The following MAP4K4 variants were observed in gnomAD, a reference collection of about 807,000 sequenced individuals.
MAP4K4 encodes the protein HPK/GCK-like kinase HGK.
Under a neutral mutation model 189.6 loss-of-function variants are expected in MAP4K4, and 38 were observed. The observed-to-expected ratio is 0.20, with a 90% CI of 0.15 to 0.26. MAP4K4 has a LOEUF of 0.26. Ranked by LOEUF, MAP4K4 falls within the 10% of genes least tolerant of loss-of-function variation. The pLI, the probability that MAP4K4 is intolerant of heterozygous loss-of-function variation, is 1.00. For synonymous variants in MAP4K4, 610 were observed against 624.3 expected (o/e 0.98, Z 0.34); for missense variants, 1,054 against 1,726.9 (o/e 0.61, Z 6.91).
intron 26 of MAP4K4, among the ~76,000 whole-genome samples, chr2:101,876,598 CAA>C (rs2098213786): frequency 6.6e-6 from 1 of 152,000 alleles, no homozygotes; most frequent in African/African-American, 2.4e-5. Context: ...TGAGGAAGCA[CAA>C]AGAGATCATG....
At chr2:101,869,583 C>A (rs1407542809) in intron 21 of MAP4K4, 39 bp from the exon 22 acceptor site, 1 of 1,534,052 alleles carries the variant, frequency 6.5e-7, no homozygotes, top group Non-Finnish European at 9.0e-7. Flanking sequence ...GTCCCTGCTC[C>A]TGCTTGCCTT....
At chr2:101,802,942 T>C (rs1380777434) in intron 3 of MAP4K4, among the ~76,000 whole-genome samples, 1 of 151,996 alleles carries the variant, frequency 6.6e-6, no homozygotes, top group Admixed American at 6.6e-5. Context: ...TCTGCCACCA[T>C]GCCCAGCTAA....
At chr2:101,747,087 T>C (rs2066002974) in intron 2 of MAP4K4, among the ~76,000 whole-genome samples, 1 of 152,146 alleles carries the variant, frequency 6.6e-6, no homozygotes, top group South Asian at 2.1e-4. Flanking sequence ...GGGCTTCTCC[T>C]GTGACTGCTT....
chr2:101,777,765 C>A (rs903295241), intron 2 of MAP4K4, among the ~76,000 whole-genome samples: 1 of 152,172 alleles, frequency 6.6e-6, no homozygotes, highest in Admixed American at 6.5e-5. Context: ...ACAGATTTTG[C>A]ACACTTTTGT....
At chr2:101,869,569 TC>T in intron 21 of MAP4K4, 52 bp from the exon 22 acceptor site, 1 of 1,415,084 alleles carries the variant, frequency 7.1e-7, no homozygotes, top group African/African-American at 1.4e-5. Context: ...TCTCATCTTC[TC>T]CTGTCCCTGC....
chr2:101,859,132 G>T (rs373074885), intron 14 of MAP4K4, 50 bp downstream of exon 14: 1 of 1,529,886 alleles, frequency 6.5e-7, no homozygotes, highest in African/African-American at 1.4e-5. Flanking sequence ...TCCTTCATCC[G>T]TCCCCAAAGT....
intron 32 of MAP4K4, among the ~76,000 whole-genome samples, chr2:101,890,874 C>T (rs1315146868): frequency 6.6e-6 from 1 of 152,094 alleles, no homozygotes; most frequent in Non-Finnish European, 1.5e-5. Context: ...GATTCTCATG[C>T]CTCAGCCTCC....
At chr2:101,874,324 T>C (rs2098135919) in intron 26 of MAP4K4, 72 bp downstream of exon 26, 1 of 1,365,068 alleles carries the variant, frequency 7.3e-7, no homozygotes, top group East Asian at 2.5e-5. Flanking sequence ...AGAGAAGTAC[T>C]GCATTGAATA....
At chr2:101,716,335 T>C (rs6543091) in intron 2 of MAP4K4, among the ~76,000 whole-genome samples, 114,300 of 151,896 alleles carry the variant, frequency 0.75, 43,455 homozygotes, top group African/African-American at 0.88. Context: ...CCCAGCTACT[T>C]GGGAGGCTGA....
intron 3 of MAP4K4, among the ~76,000 whole-genome samples, chr2:101,799,282 T>C (rs2094131427): frequency 6.6e-6 from 1 of 152,242 alleles, no homozygotes; most frequent in Non-Finnish European, 1.5e-5. Flanking sequence ...ATGTAAAGTA[T>C]GTAGTCTATT....
intron 2 of MAP4K4, among the ~76,000 whole-genome samples, chr2:101,740,012 G>A (rs1165006218): frequency 1.3e-5 from 2 of 152,164 alleles, no homozygotes; most frequent in Non-Finnish European, 2.9e-5. Context: ...TTGTTGACAC[G>A]TTTGCTTTTG....
At chr2:101,759,537 TTCCACTCCC>T (rs2074921748) in intron 2 of MAP4K4, among the ~76,000 whole-genome samples, 1 of 11,624 alleles carries the variant, frequency 8.6e-5, no homozygotes. Context: ...CCCCTCCCCA[TTCCACTCCC>T]CTCCCCTCTC....
intron 2 of MAP4K4, among the ~76,000 whole-genome samples, chr2:101,713,318 A>T (rs1381887486): frequency 1.3e-5 from 2 of 151,904 alleles, no homozygotes; most frequent in Non-Finnish European, 2.9e-5. Flanking sequence ...CCCTCTGCTG[A>T]GTGCAGTGGC....
intron 2 of MAP4K4, among the ~76,000 whole-genome samples, chr2:101,709,725 G>GA (rs973353480): frequency 3.9e-5 from 6 of 151,976 alleles, no homozygotes; most frequent in Non-Finnish European, 5.9e-5. Flanking sequence ...CCTGGATTTT[G>GA]AAAAAACAAA....
chr2:101,887,340 C>A, intron 30 of MAP4K4, 103 bp downstream of exon 30: 2 of 1,213,468 alleles, frequency 1.6e-6, no homozygotes, highest in Non-Finnish European at 2.3e-6. Context: ...GGATTCATTT[C>A]CCCTTGGTGT....
intron 2 of MAP4K4, among the ~76,000 whole-genome samples, chr2:101,774,148 A>G (rs1249514046): frequency 1.3e-5 from 2 of 152,206 alleles, no homozygotes; most frequent in African/African-American, 2.4e-5. Flanking sequence ...ATGGTTCTCC[A>G]TAGTAGTTGT....
At chr2:101,860,303 G>C (rs2097600038) in intron 15 of MAP4K4, 1 of 235,916 alleles carries the variant, frequency 4.2e-6, no homozygotes, top group Non-Finnish European at 8.5e-6. Context: ...CTCAGAGTAG[G>C]CTGCGGCAGG....
chr2:101,824,756 G>A (rs935850718), intron 4 of MAP4K4, among the ~76,000 whole-genome samples: 11 of 152,138 alleles, frequency 7.2e-5, no homozygotes, highest in Non-Finnish European at 1.6e-4. Context: ...TAAAATTTTA[G>A]AATAGTTCAA....
chr2:101,803,815 A>G (rs1195596840), intron 3 of MAP4K4, among the ~76,000 whole-genome samples: 1 of 152,204 alleles, frequency 6.6e-6, no homozygotes, highest in Non-Finnish European at 1.5e-5. Flanking sequence ...TACCATTAGC[A>G]TAATACCCTG....
Sources: allele counts gnomAD v4.1 joint callset (sites outside exome capture counted in the v4.1 genomes callset), GRCh38; gene constraint gnomAD v4.1.1; transcripts MANE v1.5; gene names NCBI Gene and HGNC (gene_info 2026-07-23, HGNC 2026-07-21).